Variants in TMEM9B observed in about 807,000 individuals in gnomAD.
TMEM9B encodes TMEM9 domain family member B, also known as transmembrane protein 9B.
Under a neutral mutation model 23.5 loss-of-function variants are expected in TMEM9B, and 8 were observed. That is an observed-to-expected ratio of 0.34 (90% CI 0.20 to 0.61). TMEM9B has a LOEUF of 0.61. Among genes scored for constraint, TMEM9B ranks in the 20% least tolerant of loss-of-function variants. The probability of loss-of-function intolerance (pLI) is 0.78; values close to 1 mark genes in which losing one functional copy is unlikely to be tolerated. For missense variants in TMEM9B, 197 were observed against 252.3 expected (o/e 0.78, Z 1.49); for synonymous variants, 106 against 96.3 (o/e 1.10, Z -0.59).
rs182099201 is a variant in TMEM9B at position 8,959,470 on chromosome 11, C to A, written c.197+2622G>T. 2.0e-3 allele frequency among the ~76,000 whole-genome samples: 300 copies of A among 152,338 alleles called. 1 individual carries two copies. Among genetic ancestry groups the A allele is most frequent in the African/African-American group, 6.9e-3 (285 of 41,580 alleles). ...TCCTGCTTCCTACGTCAGTTCTTTA[C>A]CTCTGAACCTCGGGAAAATGAAACT... On this transcript the variant is annotated intron_variant, in intron 2 of 4. Transcript: ENST00000534025.
In TMEM9B at chr11:8,960,523, G is replaced by A. The variant is rs564088088; in HGVS notation, c.197+1569C>T. On this transcript the variant is annotated intron_variant, in intron 2 of 4. Transcript: ENST00000534025. ...TGGTCCTGTCTGAGTCTGAAATAATGAAAAGTTAGTGAAAAGATTAGTGCT... is the reference window on the plus strand; with the variant it reads ...TGGTCCTGTCTGAGTCTGAAATAATAAAAAGTTAGTGAAAAGATTAGTGCT... Among the ~76,000 whole-genome samples, 36 of 152,238 alleles carry A rather than the reference G, an allele frequency of 2.4e-4. 2 individuals carry two copies. The South Asian group carries it at 6.0e-3, about 25-fold the overall frequency.
In TMEM9B at chr11:8,952,279, C is replaced by CACACACACACACACACAT. The variant is rs371219457; in HGVS notation, c.441+923_441+924insATGTGTGTGTGTGTGTGT. ...ACACACACACACACACACACACACA[C>CACACACACACACACACAT]GCTATATATATATATATATAAACAT... On this transcript the variant is annotated intron_variant, in intron 4 of 4. Transcript: ENST00000534025. 7.7e-3 allele frequency among the ~76,000 whole-genome samples: 967 copies of CACACACACACACACACAT among 126,086 alleles called. 17 individuals carry two copies. Among genetic ancestry groups the CACACACACACACACACAT allele is most frequent in the African/African-American group, 0.026 (915 of 35,486 alleles). The allele number at this position is 126,086 out of a possible 152,430, so 82.7% of individuals were successfully genotyped here.
chr11:8,952,414 T>C (rs979002417), intron 4 of TMEM9B, among the ~76,000 whole-genome samples: 3 of 151,964 alleles, frequency 2.0e-5, no homozygotes, highest in Non-Finnish European at 4.4e-5. Context: ...TCTCAGATTT[T>C]TTTTTTCTTT....
chr11:8,949,266 A>G (rs1481672670), intron 4 of TMEM9B, among the ~76,000 whole-genome samples: 1 of 152,208 alleles, frequency 6.6e-6, no homozygotes, highest in Non-Finnish European at 1.5e-5. Flanking sequence ...AACCAACCTA[A>G]CCTGGTCAAA....
chr11:8,953,149 A>T, intron 4 of TMEM9B, 54 bp downstream of exon 4: 2 of 1,612,346 alleles, frequency 1.2e-6, no homozygotes, highest in Non-Finnish European at 1.7e-6. Context: ...TGCACTTCAC[A>T]TCGAATGATG....
Position 8,952,850 on chromosome 11 carries a change from G to C in TMEM9B, c.441+353C>G, listed in dbSNP as rs1011712717. 2.8e-5 allele frequency: 13 copies of C among 459,600 alleles called. No individual in the cohort carries two copies. In the East Asian group the frequency reaches 4.1e-4, roughly 14 times the overall value. 28.5% of individuals were successfully genotyped at this position (459,600 alleles called of 1,614,324 possible). On this transcript the variant is annotated intron_variant, in intron 4 of 4. Transcript: ENST00000534025. ...ACCTCTCTGCCTTCTAAAATATTTG[G>C]TGATATTGACAGAGAAGGTGTTTCA...
In TMEM9B at chr11:8,948,436, G is replaced by A. The variant is rs756051799; in HGVS notation, c.481C>T (p.Arg161Cys). The change falls in exon 5 of 5, where the codon CGC becomes TGC. Residue 161 changes from arginine (R) to cysteine (C), a missense_variant. Physicochemically the swap from Arg to Cys is radical, Grantham distance 180. Coordinates refer to ENST00000534025, the MANE Select transcript of TMEM9B (RefSeq NM_020644.3). ...AGCACGTTGGCTCGACTGCGGGAGCGGGCTAGCACATCGTGTGCATTTGCA... is the reference window on the plus strand; with the variant it reads ...AGCACGTTGGCTCGACTGCGGGAGCAGGCTAGCACATCGTGTGCATTTGCA... Reference protein sequence around the residue: ...PFANAHDVLARSRSRANVLNK... With the variant: ...PFANAHDVLACSRSRANVLNK... 52 of 1,614,048 alleles carry A rather than the reference G, an allele frequency of 3.2e-5. No homozygotes were observed. The highest frequency in any genetic ancestry group is 1.8e-4 in the Admixed American group (11 of 60,004).
chr11:8,961,518 C>A (rs998413263), intron 2 of TMEM9B, among the ~76,000 whole-genome samples: 1 of 152,224 alleles, frequency 6.6e-6, no homozygotes, highest in Non-Finnish European at 1.5e-5. Context: ...GCTAGTCAGT[C>A]AGGATCCCCC....
chr11:8,960,517 A>G (rs1589948380), intron 2 of TMEM9B, among the ~76,000 whole-genome samples: 1 of 152,156 alleles, frequency 6.6e-6, no homozygotes, highest in East Asian at 1.9e-4. Flanking sequence ...CTGAGTCTGA[A>G]ATAATGAAAA....
intron 3 of TMEM9B, among the ~76,000 whole-genome samples, chr11:8,954,306 T>C (rs933043362): frequency 1.1e-5 from 1 of 94,096 alleles, no homozygotes; most frequent in Non-Finnish European, 2.4e-5. Context: ...AAACTGGATT[T>C]TATTTTTTTT....
chr11:8,964,498 G>C, upstream of TMEM9B: 1 of 1,414,254 alleles, frequency 7.1e-7, no homozygotes, highest in East Asian at 2.7e-5. Context: ...ATCCGCCCCG[G>C]AACCGGTTAC....
intron 2 of TMEM9B, 60 bp from the exon 3 acceptor site, chr11:8,956,358 CAA>C (rs1853974235): frequency 1.5e-6 from 2 of 1,373,040 alleles, no homozygotes; most frequent in African/African-American, 1.5e-5. Flanking sequence ...TTGCTCTGAC[CAA>C]AAGTTTCCTG....
At chr11:8,950,668 C>T (rs1308497984) in intron 4 of TMEM9B, among the ~76,000 whole-genome samples, 4 of 152,120 alleles carry the variant, frequency 2.6e-5, no homozygotes, top group Admixed American at 2.0e-4. Flanking sequence ...TCTTTTCACA[C>T]CTGATAAAAT....
chr11:8,951,326 A>C (rs1180960266), intron 4 of TMEM9B, among the ~76,000 whole-genome samples: 2 of 152,190 alleles, frequency 1.3e-5, no homozygotes, highest in Non-Finnish European at 2.9e-5. Flanking sequence ...GCAAGGGCTC[A>C]CTCTGGGTTT....
intron 1 of TMEM9B, among the ~76,000 whole-genome samples, chr11:8,963,477 G>C (rs1414187220): frequency 6.6e-6 from 1 of 152,222 alleles, no homozygotes; most frequent in African/African-American, 2.4e-5. Context: ...GGGCACCAGA[G>C]AACAGTATGA....
intron 4 of TMEM9B, among the ~76,000 whole-genome samples, chr11:8,949,270 G>C (rs1853833157): frequency 6.6e-6 from 1 of 152,124 alleles, no homozygotes; most frequent in Admixed American, 6.6e-5. Context: ...AACCTAACCT[G>C]GTCAAAGTAA....
At position 8,964,245 on chromosome 11, in the gene TMEM9B, G is replaced by A. The variant is rs1411925444; in HGVS notation, c.69C>T (p.Ser23=). The A allele has an allele frequency of 5.6e-6, 9 of 1,595,558 alleles. No homozygotes were observed. The highest frequency in any genetic ancestry group is 7.7e-6 in the Non-Finnish European group (9 of 1,171,982). The change falls in exon 1 of 5, where the codon TCC becomes TCT. Residue 23 remains serine (S), a synonymous_variant. Transcript: ENST00000534025. ...SLLSLSCLAL[S]VLLLAQLSDA... is the part of the protein sequence containing the mutation. ...CTGACAGCTGCGCCAGCAGCAGCAC[G>A]GAAAGCGCCAGGCACGACAGGCTGA...
In TMEM9B at chr11:8,960,521, A is replaced by C. The variant is rs1314846200; in HGVS notation, c.197+1571T>G. ...TATGGTCCTGTCTGAGTCTGAAATA[A>C]TGAAAAGTTAGTGAAAAGATTAGTG... is the stretch of plus-strand genomic sequence containing the variant. On this transcript the variant is annotated intron_variant, in intron 2 of 4. Transcript: ENST00000534025. Among the ~76,000 whole-genome samples the C allele has an allele frequency of 2.0e-5, 3 of 152,156 alleles. No individual in the cohort carries two copies. The East Asian group carries it at 5.8e-4, about 29-fold the overall frequency.
rs1456980862 is a variant in TMEM9B at position 8,964,356 on chromosome 11, C to T, written c.-43G>A. 4 of 1,536,370 alleles carry T rather than the reference C, an allele frequency of 2.6e-6. No homozygotes were observed. The highest frequency in any genetic ancestry group is 1.4e-5 in the African/African-American group (1 of 70,730). ...TCCCACAGCCCGGAGCCCCCGCGAC[C>T]GGCTCCCGGCTCGGGCTCAGGCTCA... On this transcript the variant is annotated 5_prime_UTR_variant, in exon 1 of 5. Transcript: ENST00000534025.
Sources: gnomAD v4.1 joint callset for allele counts (sites outside exome capture counted in the v4.1 genomes callset) on GRCh38, gnomAD v4.1.1 for gene constraint, MANE v1.5 for transcripts, NCBI Gene and HGNC (gene_info 2026-07-23, HGNC 2026-07-21) for gene names.